The following WDR17 variants were observed in gnomAD, a reference collection of about 807,000 sequenced individuals.
The protein encoded by WDR17 is WD repeat-containing protein 17.
A neutral mutation model predicts 161.7 loss-of-function variants in WDR17; 143 were observed. The ratio of observed to expected loss-of-function variants is 0.88; its 90% CI spans 0.77 to 1.02. The LOEUF is 1.02. Among genes scored for constraint, WDR17 ranks in the 50% least tolerant of loss-of-function variants. WDR17 has a pLI of 0.00. For synonymous variants in WDR17, 517 were observed against 515.6 expected (o/e 1.00, Z -0.04); for missense variants, 1,469 against 1,520.9 (o/e 0.97, Z 0.57).
chr4:176,104,598 T>C (rs917656189), intron 1 of WDR17, among the ~76,000 whole-genome samples: 11 of 151,860 alleles, frequency 7.2e-5, no homozygotes, highest in African/African-American at 2.7e-4. Context: ...AACTTAAAGG[T>C]GTGGGGTTGG....
chr4:176,069,774 A>T (rs1450852389), intron 1 of WDR17, among the ~76,000 whole-genome samples: 1 of 152,174 alleles, frequency 6.6e-6, no homozygotes, highest in Non-Finnish European at 1.5e-5. Flanking sequence ...GTAGAAAATA[A>T]TTTTTATTAC....
At chr4:176,146,777 G>A (rs916669012) in intron 12 of WDR17, among the ~76,000 whole-genome samples, 3 of 151,986 alleles carry the variant, frequency 2.0e-5, no homozygotes, top group East Asian at 1.9e-4. Context: ...TTAAATGTTA[G>A]CATATATAAG....
At chr4:176,116,490 G>A (rs1054676938) in intron 3 of WDR17, among the ~76,000 whole-genome samples, 98 of 151,840 alleles carry the variant, frequency 6.5e-4, no homozygotes, top group African/African-American at 2.3e-3. Flanking sequence ...TTTCTACTTA[G>A]AATTGGGAAC....
In WDR17 at chr4:176,179,738, A is replaced by AAT. The variant is rs148615406; in HGVS notation, c.*175_*176dup. The AAT allele has an allele frequency of 3.9e-3, 1,296 of 331,294 alleles. No homozygotes were observed. The highest frequency in any genetic ancestry group is 4.5e-3 in the Non-Finnish European group (922 of 203,700). 20.5% of individuals were successfully genotyped at this position (331,294 alleles called of 1,614,324 possible). ...AGTGAATTTTAGTCATTAACTTCAA[A>AAT]ATATATATATATATATAATTTAAAG... On this transcript the variant is annotated 3_prime_UTR_variant, in exon 29 of 29. Coordinates refer to ENST00000508596, the MANE Select transcript of WDR17 (RefSeq NM_181265.4).
At chr4:176,151,479 C>T (rs747094504) in intron 16 of WDR17, among the ~76,000 whole-genome samples, 1 of 152,078 alleles carries the variant, frequency 6.6e-6, no homozygotes, top group Non-Finnish European at 1.5e-5. Context: ...CTTCCCAGAG[C>T]TATATGCTTT....
intron 6 of WDR17, among the ~76,000 whole-genome samples, chr4:176,130,686 A>G (rs944790769): frequency 2.7e-5 from 4 of 150,122 alleles, no homozygotes; most frequent in Middle Eastern, 3.2e-3. Context: ...CGGAGCTTGC[A>G]GTGAGCCGAG....
At position 176,115,949 on chromosome 4, in the gene WDR17, A is replaced by G; in HGVS notation, c.277A>G (p.Lys93Glu). ...LVIIWNVAEQ[K>E]VIAKLDSTKG... is the part of the protein sequence containing the mutation. ...GATCATTTGGAATGTTGCAGAACAA[A>G]AAGTCATTGCTAAACTCGACAGTAC... is the stretch of plus-strand genomic sequence containing the variant. The change falls in exon 3 of 29, where the codon AAA (lysine) becomes GAA (glutamate). Residue 93 changes from lysine (K) to glutamate (E), a missense_variant. Physicochemically the swap from Lys to Glu is moderately conservative, Grantham distance 56. Coordinates refer to ENST00000508596, the MANE Select transcript of WDR17 (RefSeq NM_181265.4). 1 of 1,608,454 alleles carries G rather than the reference A, an allele frequency of 6.2e-7. No individual in the cohort carries two copies. The highest frequency in any genetic ancestry group is 8.5e-7 in the Non-Finnish European group (1 of 1,177,314).
At chr4:176,100,224 C>T (rs2126656993) in intron 1 of WDR17, among the ~76,000 whole-genome samples, 1 of 152,210 alleles carries the variant, frequency 6.6e-6, no homozygotes, top group South Asian at 2.1e-4. Flanking sequence ...TCTCTTTTCC[C>T]CATATCCTCA....
At chr4:176,142,742 G>T (rs1745477261) in intron 11 of WDR17, among the ~76,000 whole-genome samples, 1 of 152,120 alleles carries the variant, frequency 6.6e-6, no homozygotes, top group Non-Finnish European at 1.5e-5. Flanking sequence ...ATGTTATTTT[G>T]TATGAAATGT....
intron 1 of WDR17, among the ~76,000 whole-genome samples, chr4:176,072,510 T>A (rs1430047667): frequency 6.6e-6 from 1 of 152,210 alleles, no homozygotes; most frequent in Non-Finnish European, 1.5e-5. Context: ...ATTTTTGAAA[T>A]CCTATTTATT....
intron 1 of WDR17, among the ~76,000 whole-genome samples, chr4:176,087,878 G>C (rs576860162): frequency 6.6e-6 from 1 of 151,068 alleles, no homozygotes; most frequent in African/African-American, 2.4e-5. Context: ...GCCAGAATCT[G>C]TGTCACCCAG....
Position 176,172,392 on chromosome 4 carries a change from G to T in WDR17, c.3120G>T (p.Val1040=). ...TTTTCTAGTGTAAGCTACCCACAGT[G>T]GAAGAATGTATGCAGTTAGCTGAGA... The part of the protein sequence containing the change: ...DLHDKCKLPT[V]EECMQLAETA... Residue 1040 remains valine, a synonymous_variant, in exon 24 of 29, where the codon GTG becomes GTT. Transcript: ENST00000508596. 6.2e-7 allele frequency: 1 copy of T among 1,607,916 alleles called. No homozygotes were observed. The highest frequency in any genetic ancestry group is 8.5e-7 in the Non-Finnish European group (1 of 1,178,584).
rs146161037 is a variant in WDR17, at chr4:176,162,151, C to T, written c.2827C>T (p.His943Tyr). 341 of 1,612,504 alleles carry T rather than the reference C, an allele frequency of 2.1e-4. No individual in the cohort carries two copies. Among genetic ancestry groups the T allele is most frequent in the Non-Finnish European group, 2.7e-4 (316 of 1,179,228 alleles). ...DGRAVLAACC[H>Y]LAIDNIELAM... Reference sequence around the variant, plus strand: ...TCGAGCAGTACTAGCCGCATGTTGCCATCTTGCCATAGATAATATTGAGGT... The same window carrying T: ...TCGAGCAGTACTAGCCGCATGTTGCTATCTTGCCATAGATAATATTGAGGT... The change falls in exon 21 of 29, where the codon CAT (histidine) becomes TAT (tyrosine). Residue 943 changes from histidine (H) to tyrosine (Y), a missense_variant. By Grantham distance (83) the His-to-Tyr change is moderately conservative. Coordinates refer to ENST00000508596, the MANE Select transcript of WDR17 (RefSeq NM_181265.4).
At position 176,177,638 on chromosome 4, in the gene WDR17, C is replaced by T. The variant is rs752845564; in HGVS notation, c.3716C>T (p.Thr1239Met). The T allele has an allele frequency of 7.6e-6, 12 of 1,585,142 alleles. No homozygotes were observed. Among genetic ancestry groups the T allele is most frequent in the East Asian group, 2.3e-5 (1 of 43,708 alleles). ...TCTGATATTCACATTTCTTGTCTTA[C>T]GGGATTAAAAATCCAGGTAAAGCCT... ...SHSDIHISCL[T>M]GLKIQGPVFF... The change falls in exon 28 of 29, where the codon ACG becomes ATG. Residue 1239 changes from threonine (T) to methionine (M), a missense_variant. Coordinates refer to ENST00000508596, the MANE Select transcript of WDR17 (RefSeq NM_181265.4).
intron 1 of WDR17, among the ~76,000 whole-genome samples, chr4:176,071,468 G>T (rs558401082): frequency 7.9e-5 from 12 of 152,082 alleles, no homozygotes; most frequent in East Asian, 7.8e-4. Context: ...GATTACAGGC[G>T]CAGGCCATTA....
rs1749034895 is a variant in WDR17, at chr4:176,161,533, T to C, written c.2750+531T>C. On this transcript the variant is annotated intron_variant, in intron 20 of 28. Coordinates refer to ENST00000508596, the MANE Select transcript of WDR17 (RefSeq NM_181265.4). ...TAATCCAGTAGTCTGCCTTCCCCCA[T>C]CCTTTCTATTTGCTCCTATTATTAA... Among the ~76,000 whole-genome samples the C allele has an allele frequency of 1.3e-5, 2 of 152,148 alleles. 1 individual carries two copies. The highest frequency in any genetic ancestry group is 3.9e-4 in the East Asian group (2 of 5,194).
At chr4:176,100,483 T>C (rs1737642875) in intron 1 of WDR17, among the ~76,000 whole-genome samples, 1 of 152,156 alleles carries the variant, frequency 6.6e-6, no homozygotes, top group Non-Finnish European at 1.5e-5. Flanking sequence ...TTCTGGATAT[T>C]AGTCCCCTGT....
chr4:176,141,449 G>A (rs754917688), intron 10 of WDR17, among the ~76,000 whole-genome samples: 2 of 152,068 alleles, frequency 1.3e-5, no homozygotes, highest in African/African-American at 4.8e-5. Context: ...AAGAAAAAGC[G>A]TTTTTGTTGT....
rs1751954001 is a variant in WDR17 at position 176,179,660 on chromosome 4, C to A, written c.*81C>A. The A allele has an allele frequency of 6.7e-6, 9 of 1,351,090 alleles. No individual in the cohort carries two copies. In the South Asian group the frequency reaches 1.6e-4, roughly 24 times the overall value. The allele number at this position is 1,351,090 out of a possible 1,614,324, so 83.7% of individuals were successfully genotyped here. On this transcript the variant is annotated 3_prime_UTR_variant, in exon 29 of 29. Coordinates refer to ENST00000508596, the MANE Select transcript of WDR17 (RefSeq NM_181265.4). The stretch of plus-strand genomic sequence containing the variant: ...TAGCATTACCTTAATCTTTGTTGCT[C>A]AAGTGCCAGAGGTTGGGAGAAGGAT...
Sources: allele counts gnomAD v4.1 joint callset (sites outside exome capture counted in the v4.1 genomes callset), GRCh38; gene constraint gnomAD v4.1.1; transcripts MANE v1.5; gene names NCBI Gene and HGNC (gene_info 2026-07-23, HGNC 2026-07-21).